Variants in RNGTT observed in about 807,000 individuals in gnomAD.
RNGTT encodes mRNA-capping enzyme.
RNGTT carries 33 observed loss-of-function variants against 79.3 expected under a neutral mutation model. The ratio of observed to expected loss-of-function variants is 0.42; its 90% CI spans 0.32 to 0.56. The LOEUF is 0.56. RNGTT is among the 20% of genes least tolerant of loss of function. The pLI is 0.17. For synonymous variants in RNGTT, 222 were observed against 235.9 expected, an observed-to-expected ratio of 0.94 and a Z score of 0.54; for missense variants, 497 against 739.1, an observed-to-expected ratio of 0.67 and a Z score of 3.80.
rs929572435 is a variant in RNGTT, at chr6:88,963,569, G to A, written c.-160C>T. On this transcript the variant is annotated 5_prime_UTR_variant, in exon 1 of 16. Transcript: ENST00000369485. ...ATCCGGGTAACGTCAGGGGCGGCGC[G>A]CCACTTTCATTCAGGATCAACTCCA... 4 of 618,602 alleles carry A rather than the reference G, an allele frequency of 6.5e-6. No individual in the cohort carries two copies. Among genetic ancestry groups the A allele is most frequent in the Middle Eastern group, 4.6e-4 (1 of 2,182 alleles). 38.3% of individuals were successfully genotyped at this position (618,602 alleles called of 1,614,324 possible). A position where few individuals can be genotyped will look rare whatever the true frequency, so the allele number is the denominator to read the frequency against.
chr6:88,704,268 A>AAAAAC (rs1776051007), intron 13 of RNGTT, among the ~76,000 whole-genome samples: 2 of 128,580 alleles, frequency 1.6e-5, no homozygotes, highest in African/African-American at 6.1e-5. Context: ...TCAAAAAAAA[A>AAAAAC]AAAAAAAAAA....
At chr6:88,775,953 T>TA (rs1402986100) in intron 12 of RNGTT, among the ~76,000 whole-genome samples, 1 of 152,206 alleles carries the variant, frequency 6.6e-6, no homozygotes, top group Non-Finnish European at 1.5e-5. Context: ...GAAGGACATT[T>TA]AGGTGGTTTC....
At chr6:88,764,997 C>T (rs548738001) in intron 13 of RNGTT, among the ~76,000 whole-genome samples, 1 of 152,026 alleles carries the variant, frequency 6.6e-6, no homozygotes, top group Non-Finnish European at 1.5e-5. Context: ...TCGAGACCAT[C>T]CTGGCTAACA....
intron 10 of RNGTT, among the ~76,000 whole-genome samples, chr6:88,847,502 C>A (rs1781523726): frequency 6.6e-6 from 1 of 152,034 alleles, no homozygotes; most frequent in African/African-American, 2.4e-5. Context: ...TATTGTTAAT[C>A]ATCCATAAAG....
In RNGTT at chr6:88,787,487, C is replaced by T. The variant is rs1019830737; in HGVS notation, c.1338+14077G>A. Among the ~76,000 whole-genome samples, 6 of 152,028 alleles carry T rather than the reference C, an allele frequency of 3.9e-5. No homozygotes were observed. In the East Asian group the frequency reaches 9.7e-4, roughly 25 times the overall value. On this transcript the variant is annotated intron_variant, in intron 12 of 15. Coordinates refer to ENST00000369485, the MANE Select transcript of RNGTT (RefSeq NM_003800.5). The stretch of plus-strand genomic sequence containing the variant: ...CATCCTGGCCAACATGGTGAAACCC[C>T]GTCTCTACTAAAAATACAAAAATTA...
At chr6:88,854,095 G>A (rs1052266510) in intron 8 of RNGTT, among the ~76,000 whole-genome samples, 1 of 149,970 alleles carries the variant, frequency 6.7e-6, no homozygotes, top group Non-Finnish European at 1.5e-5. Flanking sequence ...CAGCTAATTT[G>A]TTTGTTTTTT....
chr6:88,768,300 G>C (rs371905347), intron 13 of RNGTT, among the ~76,000 whole-genome samples: 3 of 151,918 alleles, frequency 2.0e-5, no homozygotes, highest in East Asian at 3.9e-4. Context: ...TAGAAACAGG[G>C]CCTCCTTATT....
At position 88,737,513 on chromosome 6, in the gene RNGTT, C is replaced by T. The variant is rs1777328202; in HGVS notation, c.1439+32261G>A. Reference sequence around the variant, plus strand: ...AATGTCTGTCCCCCCTCCCCAAATTCATATGTTGAAGCCCTAACGCCCTTA... The same window carrying T: ...AATGTCTGTCCCCCCTCCCCAAATTTATATGTTGAAGCCCTAACGCCCTTA... On this transcript the variant is annotated intron_variant, in intron 13 of 15. Coordinates refer to ENST00000369485, the MANE Select transcript of RNGTT (RefSeq NM_003800.5). 2.0e-5 allele frequency among the ~76,000 whole-genome samples: 3 copies of T among 152,152 alleles called. No homozygotes were observed. The South Asian group carries it at 6.2e-4, about 32-fold the overall frequency.
chr6:88,946,795 C>T (rs1785029391), intron 1 of RNGTT, among the ~76,000 whole-genome samples: 1 of 146,386 alleles, frequency 6.8e-6, no homozygotes, highest in Non-Finnish European at 1.5e-5. Context: ...CCTGCGATTG[C>T]AGGCACGCGC....
intron 13 of RNGTT, among the ~76,000 whole-genome samples, chr6:88,736,304 T>C (rs570880419): frequency 6.6e-6 from 1 of 152,300 alleles, no homozygotes; most frequent in South Asian, 2.1e-4. Flanking sequence ...GCAGAGAGGA[T>C]ACTTCCTAAC....
At chr6:88,805,561 G>A (rs914882163) in intron 11 of RNGTT, among the ~76,000 whole-genome samples, 9 of 152,124 alleles carry the variant, frequency 5.9e-5, no homozygotes, top group South Asian at 2.1e-4. Context: ...ATATTATATT[G>A]ATAAAAAGCA....
intron 12 of RNGTT, among the ~76,000 whole-genome samples, chr6:88,782,137 C>T (rs1014475966): frequency 2.0e-5 from 3 of 152,050 alleles, no homozygotes; most frequent in Non-Finnish European, 4.4e-5. Flanking sequence ...CTTCTAAGGG[C>T]TAACATCGAC....
chr6:88,886,268 T>C (rs1320827192), intron 8 of RNGTT, among the ~76,000 whole-genome samples: 2 of 151,952 alleles, frequency 1.3e-5, no homozygotes, highest in African/African-American at 4.8e-5. Flanking sequence ...ATCGCGCCAC[T>C]GTACTCCAGC....
rs1775760544 is a variant in RNGTT at position 88,698,049 on chromosome 6, C to CATATATATG, written c.1440-19639_1440-19631dup. Among the ~76,000 whole-genome samples, 3 of 74,662 alleles carry CATATATATG rather than the reference C, an allele frequency of 4.0e-5. 1 individual carries two copies. In the African/African-American group the frequency reaches 4.4e-4, roughly 11 times the overall value. 49.0% of individuals were successfully genotyped at this position (74,662 alleles called of 152,430 possible). On this transcript the variant is annotated intron_variant, in intron 13 of 15. Coordinates refer to ENST00000369485, the MANE Select transcript of RNGTT (RefSeq NM_003800.5). Reference sequence around the variant, plus strand: ...ATATATATGATATATATATGAAATACATATATATGATATATATATGAAATA... The same window carrying CATATATATG: ...ATATATATGATATATATATGAAATACATATATATGATATATATGATATATATATGAAATA...
chr6:88,686,437 T>C (rs77554938), intron 13 of RNGTT, among the ~76,000 whole-genome samples: 1,789 of 151,890 alleles, frequency 0.012, 30 homozygotes, highest in African/African-American at 0.04. Flanking sequence ...TTCGAAAATA[T>C]ATGAGGAAAA....
At position 88,828,675 on chromosome 6, in the gene RNGTT, C is replaced by A. The variant is rs566754866; in HGVS notation, c.1269+15682G>T. 7.9e-5 allele frequency among the ~76,000 whole-genome samples: 12 copies of A among 151,924 alleles called. No homozygotes were observed. In the East Asian group the frequency reaches 2.3e-3, roughly 30 times the overall value. On this transcript the variant is annotated intron_variant, in intron 11 of 15. Transcript: ENST00000369485. The stretch of plus-strand genomic sequence containing the variant: ...TTAGAGGAATTGCTAACTAGAATAA[C>A]CAGTTTAGAGAACATACATGACCTG...
At chr6:88,860,603 G>A (rs1441310549) in intron 8 of RNGTT, among the ~76,000 whole-genome samples, 2 of 152,088 alleles carry the variant, frequency 1.3e-5, no homozygotes, top group Non-Finnish European at 2.9e-5. Context: ...GGCTTCCCTT[G>A]ATTCCTATCC....
chr6:88,799,089 A>C (rs889072387), intron 12 of RNGTT, among the ~76,000 whole-genome samples: 1 of 152,178 alleles, frequency 6.6e-6, no homozygotes, highest in Non-Finnish European at 1.5e-5. Flanking sequence ...GCAGAAAATG[A>C]CAAATATTTA....
rs570840757 is a variant in RNGTT, at chr6:88,688,704, A to G, written c.1440-10285T>C. 7.2e-5 allele frequency among the ~76,000 whole-genome samples: 11 copies of G among 152,346 alleles called. No individual in the cohort carries two copies. In the East Asian group the frequency reaches 1.7e-3, roughly 24 times the overall value. On this transcript the variant is annotated intron_variant, in intron 13 of 15. Transcript: ENST00000369485. ...AAATAAAATTATAGTATTGGATTAT[A>G]ACCCATAAAATAAAATACAGCTCTG... is the stretch of plus-strand genomic sequence containing the variant.
Sources: allele counts gnomAD v4.1 joint callset (sites outside exome capture counted in the v4.1 genomes callset), GRCh38; gene constraint gnomAD v4.1.1; transcripts MANE v1.5; gene names NCBI Gene and HGNC (gene_info 2026-07-23, HGNC 2026-07-21).